ALMS1: variants seen among roughly 807,000 people sequenced by gnomAD.
The protein encoded by ALMS1 is ALMS1 centrosome and basal body associated protein, also known as centrosome-associated protein ALMS1.
ALMS1 carries 271 observed loss-of-function variants against 352.2 expected under a neutral mutation model. The observed-to-expected ratio is 0.77, with a 90% confidence interval of 0.70 to 0.85. ALMS1 has a LOEUF of 0.85. Among genes scored for constraint, ALMS1 ranks in the 40% least tolerant of loss-of-function variants. ALMS1 has a pLI of 0.00. For missense variants in ALMS1, 5,445 were observed against 4,870.7 expected, an observed-to-expected ratio of 1.12 and a Z score of -3.51; for synonymous variants, 1,865 against 1,761.2, an observed-to-expected ratio of 1.06 and a Z score of -1.48.
intron 9 of ALMS1, among the ~76,000 whole-genome samples, chr2:73,483,963 G>A (rs1401620306): frequency 1.3e-5 from 2 of 150,558 alleles, no homozygotes; most frequent in Non-Finnish European, 2.9e-5. Context: ...GAGCCTATGT[G>A]TGTCTCTGCA....
intron 15 of ALMS1, among the ~76,000 whole-genome samples, chr2:73,559,761 C>T (rs1226919780): frequency 6.6e-6 from 1 of 152,058 alleles, no homozygotes; most frequent in Admixed American, 6.5e-5. Context: ...TTGACAATAG[C>T]CAAGACTACA....
intron 9 of ALMS1, among the ~76,000 whole-genome samples, chr2:73,464,392 A>C (rs1035639891): frequency 6.6e-6 from 1 of 152,364 alleles, no homozygotes; most frequent in Middle Eastern, 3.4e-3. Flanking sequence ...ACAAAATTCA[A>C]CAACCCTTCA....
chr2:73,478,864 G>A (rs945770623), intron 9 of ALMS1, among the ~76,000 whole-genome samples: 2 of 151,678 alleles, frequency 1.3e-5, no homozygotes, highest in Admixed American at 6.6e-5. Flanking sequence ...GACAGGCCCC[G>A]GTGTGTGATG....
At chr2:73,415,406 GA>G (rs1671165032) in intron 2 of ALMS1, among the ~76,000 whole-genome samples, 1 of 151,954 alleles carries the variant, frequency 6.6e-6, no homozygotes. Context: ...ACATAGGAAG[GA>G]AATCACTGAA....
intron 1 of ALMS1, among the ~76,000 whole-genome samples, chr2:73,404,022 C>T (rs560591053): frequency 3.9e-5 from 6 of 152,264 alleles, no homozygotes; most frequent in African/African-American, 1.4e-4. Flanking sequence ...GCCTCAGCTT[C>T]GCAAATAGCT....
chr2:73,466,922 C>T (rs1672361562), intron 9 of ALMS1, among the ~76,000 whole-genome samples: 1 of 152,070 alleles, frequency 6.6e-6, no homozygotes, highest in Non-Finnish European at 1.5e-5. Context: ...TGGGAAAAAG[C>T]TGTTATTTAC....
At chr2:73,523,246 C>T (rs1456152103) in intron 11 of ALMS1, among the ~76,000 whole-genome samples, 1 of 152,178 alleles carries the variant, frequency 6.6e-6, no homozygotes, top group Admixed American at 6.5e-5. Flanking sequence ...ATAGCTTGCT[C>T]ACTTTATTTA....
chr2:73,422,468 A>G (rs1162429673), intron 3 of ALMS1, among the ~76,000 whole-genome samples: 1 of 152,174 alleles, frequency 6.6e-6, no homozygotes, highest in Non-Finnish European at 1.5e-5. Context: ...AGATGGGAAG[A>G]AACACTCATA....
rs1323058030 is a variant in ALMS1, at chr2:73,452,124, C to T, written c.5597C>T (p.Pro1866Leu). ...GTCATTTCTTATGAGCAGGAGTTGC[C>T]AGATCTTACTGAAGTAACTTTGAAA... ...HSVISYEQELPDLTEVTLKAI... is the reference protein window; with the variant it reads ...HSVISYEQELLDLTEVTLKAI... The change falls in exon 8 of 23, where the codon CCA becomes CTA. Residue 1866 changes from proline (P) to leucine (L), a missense_variant. Transcript: ENST00000613296. 5 of 1,608,652 alleles carry T rather than the reference C, an allele frequency of 3.1e-6. No homozygotes were observed. The African/African-American group carries it at 6.7e-5, about 22-fold the overall frequency.
At chr2:73,551,539 C>T (rs1393532242) in intron 13 of ALMS1, among the ~76,000 whole-genome samples, 2 of 146,792 alleles carry the variant, frequency 1.4e-5, no homozygotes, top group African/African-American at 2.5e-5. Context: ...CGGGTTCAAG[C>T]GATTCTCCTG....
At chr2:73,586,891 G>A (rs1286600960) in intron 16 of ALMS1, among the ~76,000 whole-genome samples, 2 of 152,046 alleles carry the variant, frequency 1.3e-5, no homozygotes, top group Non-Finnish European at 2.9e-5. Flanking sequence ...CATGGGATAG[G>A]TTTCCATTTG....
chr2:73,408,230 G>T (rs998535895), intron 1 of ALMS1, among the ~76,000 whole-genome samples: 1 of 152,198 alleles, frequency 6.6e-6, no homozygotes, highest in African/African-American at 2.4e-5. Context: ...GTAGGAGAGC[G>T]CTGCTCCAAC....
intron 15 of ALMS1, among the ~76,000 whole-genome samples, chr2:73,560,100 A>G (rs1318583996): frequency 1.3e-5 from 2 of 152,198 alleles, no homozygotes; most frequent in African/African-American, 4.8e-5. Flanking sequence ...CATTCTACAG[A>G]ATGAGAGAAG....
At position 73,534,885 on chromosome 2, in the gene ALMS1, A is replaced by G. The variant is rs1573000980; in HGVS notation, c.9843A>G (p.Gln3281=). Residue 3281 remains glutamine, a synonymous_variant, in exon 12 of 23, where the codon CAA becomes CAG. Transcript: ENST00000613296. ...SGSTKMYYVP[Q]LRQIPPSPDS... ...GTACCAAGATGTATTATGTTCCACA[A>G]TTAAGACAAATTCCTCCATCTCCGG... is the stretch of plus-strand genomic sequence containing the variant. 7 of 1,613,758 alleles carry G rather than the reference A, an allele frequency of 4.3e-6. No individual in the cohort carries two copies. The highest frequency in any genetic ancestry group is 2.2e-5 in the East Asian group (1 of 44,820).
Position 73,449,947 on chromosome 2 carries a change from C to T in ALMS1, c.3420C>T (p.Thr1140=), listed in dbSNP as rs1300610392. The part of the protein sequence containing the change: ...ADQKTGTPTV[T]STSYSQHREK... ...AGAAGACTGGCACACCAACTGTAAC[C>T]TCAACTTCCTACTCACAACATAGAG... The change falls in exon 8 of 23, where the codon ACC becomes ACT. Residue 1140 remains threonine (T), a synonymous_variant. Transcript: ENST00000613296. 6 of 1,613,982 alleles carry T rather than the reference C, an allele frequency of 3.7e-6. No homozygotes were observed. Among genetic ancestry groups the T allele is most frequent in the Middle Eastern group, 1.7e-4 (1 of 6,060 alleles).
chr2:73,390,402 CAA>C (rs1404027628), intron 1 of ALMS1, among the ~76,000 whole-genome samples: 1 of 152,054 alleles, frequency 6.6e-6, no homozygotes, highest in Non-Finnish European at 1.5e-5. Context: ...AGTTAAATGA[CAA>C]AATTGTGTTA....
chr2:73,386,451 G>A (rs1395110300), intron 1 of ALMS1, among the ~76,000 whole-genome samples: 1 of 152,182 alleles, frequency 6.6e-6, no homozygotes, highest in African/African-American at 2.4e-5. Flanking sequence ...AGGGGAGCCT[G>A]CATTCCCCGT....
At position 73,452,105 on chromosome 2, in the gene ALMS1, T is replaced by A; in HGVS notation, c.5578T>A (p.Ser1860Thr). 6.2e-7 allele frequency: 1 copy of A among 1,613,890 alleles called. No homozygotes were observed. Among genetic ancestry groups the A allele is most frequent in the Non-Finnish European group, 8.5e-7 (1 of 1,179,942 alleles). Residue 1860 changes from serine to threonine, a missense_variant, in exon 8 of 23, where the codon TCT becomes ACT. Physicochemically the swap from Ser to Thr is moderately conservative, Grantham distance 58. Coordinates refer to ENST00000613296, the MANE Select transcript of ALMS1 (RefSeq NM_001378454.1). The stretch of plus-strand genomic sequence containing the variant: ...CCCACAGAGAGAGCACTCTGTCATT[T>A]CTTATGAGCAGGAGTTGCCAGATCT... ...SYPQREHSVI[S>T]YEQELPDLTE... is the part of the protein sequence containing the mutation.
intron 10 of ALMS1, among the ~76,000 whole-genome samples, chr2:73,496,524 A>C (rs1022823685): frequency 4.6e-5 from 7 of 152,204 alleles, no homozygotes; most frequent in African/African-American, 1.7e-4. Flanking sequence ...TGGGACCATT[A>C]AAATTAGAAC....
Sources: allele counts gnomAD v4.1 joint callset (sites outside exome capture counted in the v4.1 genomes callset), GRCh38; gene constraint gnomAD v4.1.1; transcripts MANE v1.5; gene names NCBI Gene and HGNC (gene_info 2026-07-23, HGNC 2026-07-21).